Variants in FARP1 observed in about 807,000 individuals in gnomAD.
FARP1 encodes FERM, ARH/RhoGEF and pleckstrin domain protein 1.
Under a neutral mutation model 128.8 loss-of-function variants are expected in FARP1, and 52 were observed. The ratio of observed to expected loss-of-function variants is 0.40; its 90% confidence interval spans 0.32 to 0.51. The LOEUF is 0.51. Ranked by LOEUF, FARP1 falls within the 20% of genes least tolerant of loss-of-function variation. The pLI, the probability that FARP1 is intolerant of heterozygous loss-of-function variation, is 0.45. For missense variants in FARP1, 1,333 were observed against 1,367.9 expected (o/e 0.97, Z 0.40); for synonymous variants, 580 against 551.8 (o/e 1.05, Z -0.72).
chr13:98,379,106 TATATAATCTATATATAATATATATATA>T (rs1889758140), intron 6 of FARP1, among the ~76,000 whole-genome samples: 1 of 96,306 alleles, frequency 1.0e-5, no homozygotes, highest in Non-Finnish European at 1.9e-5. Flanking sequence ...ATATATATAA[TATATAATCTATATATAATATATATATA>T]ATATATAATC....
intron 3 of FARP1, among the ~76,000 whole-genome samples, chr13:98,357,729 G>A (rs191118072): frequency 1.3e-5 from 2 of 152,164 alleles, no homozygotes; most frequent in African/African-American, 4.8e-5. Flanking sequence ...GATTTTTGTT[G>A]TTTCCTTGTG....
In FARP1 at chr13:98,351,299, G is replaced by T. The variant is rs144534316; in HGVS notation, c.276+7433G>T. 5.2e-3 allele frequency among the ~76,000 whole-genome samples: 785 copies of T among 152,286 alleles called. 6 individuals carry two copies. The highest frequency in any genetic ancestry group is 0.018 in the African/African-American group (744 of 41,558). ...TTTGTGTTGCTATAAGTAAATACCT[G>T]AGGCTGGGTAATTTATAAAGAAAAG... On this transcript the variant is annotated intron_variant, in intron 3 of 26. Coordinates refer to ENST00000319562, the MANE Select transcript of FARP1 (RefSeq NM_005766.4).
At chr13:98,237,848 A>G (rs185168293) in intron 2 of FARP1, among the ~76,000 whole-genome samples, 2 of 152,348 alleles carry the variant, frequency 1.3e-5, no homozygotes, top group African/African-American at 4.8e-5. Flanking sequence ...AGAAAGAAAG[A>G]AAAATTAGTC....
chr13:98,327,740 C>T (rs149037642), intron 2 of FARP1, among the ~76,000 whole-genome samples: 1 of 152,278 alleles, frequency 6.6e-6, no homozygotes, highest in African/African-American at 2.4e-5. Flanking sequence ...CTGTTGTCAG[C>T]TGAAGGATGA....
chr13:98,429,440 C>T (rs1891928388), intron 17 of FARP1, among the ~76,000 whole-genome samples: 1 of 152,154 alleles, frequency 6.6e-6, no homozygotes, highest in African/African-American at 2.4e-5. Context: ...GGGCTCAACT[C>T]ACAGTGAAGT....
intron 1 of FARP1, among the ~76,000 whole-genome samples, chr13:98,148,316 T>G (rs1875725731): frequency 6.6e-6 from 1 of 152,118 alleles, no homozygotes; most frequent in Admixed American, 6.5e-5. Context: ...AGGCGGAGGT[T>G]GTGGTGAGCT....
At position 98,283,339 on chromosome 13, in the gene FARP1, G is replaced by A. The variant is rs117173918; in HGVS notation, c.172-60423G>A. On this transcript the variant is annotated intron_variant, in intron 2 of 26. Coordinates refer to ENST00000319562, the MANE Select transcript of FARP1 (RefSeq NM_005766.4). ...GAAAGACTAAAATTACTTGGGTTTTGTCTTCAAATTTTTTAGAACAGTAGA... is the reference window on the plus strand; with the variant it reads ...GAAAGACTAAAATTACTTGGGTTTTATCTTCAAATTTTTTAGAACAGTAGA... Among the ~76,000 whole-genome samples, 9 of 152,306 alleles carry A rather than the reference G, an allele frequency of 5.9e-5. No homozygotes were observed. The East Asian group carries it at 1.5e-3, about 26-fold the overall frequency.
chr13:98,367,311 C>T (rs759261357), intron 4 of FARP1, among the ~76,000 whole-genome samples: 5 of 152,176 alleles, frequency 3.3e-5, no homozygotes, highest in Admixed American at 6.5e-5. Flanking sequence ...CGCCCGCCAC[C>T]ACGCCTGACT....
At chr13:98,303,131 T>A (rs1201584457) in intron 2 of FARP1, among the ~76,000 whole-genome samples, 2 of 152,216 alleles carry the variant, frequency 1.3e-5, no homozygotes, top group East Asian at 3.8e-4. Context: ...TAAAGTCAGA[T>A]ACACATGATG....
chr13:98,176,101 ATCTC>A lies in FARP1; in HGVS notation c.-24+32614_-24+32617del. ...GGCATGGGATTGCAGGAAGACTGTC[ATCTC>A]TCTCATCTTACTCAACAGGCTGCTT... On this transcript the variant is annotated intron_variant, in intron 1 of 26. Transcript: ENST00000319562. The surrounding 1 kb of genome is among the most constrained non-coding windows in gnomAD (Gnocchi z 6.2). The A allele has an allele frequency of 7.2e-7, 1 of 1,397,802 alleles. No individual in the cohort carries two copies. Among genetic ancestry groups the A allele is most frequent in the Non-Finnish European group, 1.0e-6 (1 of 993,666 alleles). The allele number at this position is 1,397,802 out of a possible 1,614,324, so 86.6% of individuals were successfully genotyped here. A position where few individuals can be genotyped will look rare whatever the true frequency, so the allele number is the denominator to read the frequency against.
chr13:98,229,960 T>C (rs896193467), intron 2 of FARP1, among the ~76,000 whole-genome samples: 4 of 152,294 alleles, frequency 2.6e-5, no homozygotes, highest in Non-Finnish European at 4.4e-5. Flanking sequence ...GTTGAAGAAA[T>C]ACTCAGAAAG....
chr13:98,348,111 A>G (rs776927389), intron 3 of FARP1, among the ~76,000 whole-genome samples: 6 of 152,218 alleles, frequency 3.9e-5, no homozygotes, highest in Admixed American at 6.5e-5. Flanking sequence ...TCAAGATTGT[A>G]AATAAACTAC....
At chr13:98,217,812 C>T (rs570747987) in intron 2 of FARP1, among the ~76,000 whole-genome samples, 4 of 152,302 alleles carry the variant, frequency 2.6e-5, no homozygotes, top group Non-Finnish European at 4.4e-5. Flanking sequence ...TGTTCTTGTT[C>T]GTCATCATAT....
intron 14 of FARP1, among the ~76,000 whole-genome samples, chr13:98,409,763 C>T (rs895046505): frequency 3.3e-5 from 5 of 152,186 alleles, no homozygotes; most frequent in South Asian, 2.1e-4. Context: ...CTCCTCCTTC[C>T]CCCTCCTGCC....
chr13:98,423,150 C>T (rs181442229), intron 16 of FARP1, among the ~76,000 whole-genome samples: 31 of 152,300 alleles, frequency 2.0e-4, no homozygotes, highest in African/African-American at 7.5e-4. Context: ...GCCACGCTGG[C>T]AGCCGATTAG....
At chr13:98,211,285 G>A (rs984652226) in intron 1 of FARP1, among the ~76,000 whole-genome samples, 3 of 152,204 alleles carry the variant, frequency 2.0e-5, no homozygotes, top group African/African-American at 7.2e-5. Context: ...CCTGAGCTCC[G>A]CCTCCTGTCA....
chr13:98,240,947 G>T (rs1020249796), intron 2 of FARP1, among the ~76,000 whole-genome samples: 2 of 152,202 alleles, frequency 1.3e-5, no homozygotes, highest in African/African-American at 4.8e-5. Context: ...ATCTGAAGCT[G>T]CTGTTTGAGA....
intron 2 of FARP1, among the ~76,000 whole-genome samples, chr13:98,291,978 G>A (rs1474705441): frequency 6.6e-6 from 1 of 152,206 alleles, no homozygotes; most frequent in African/African-American, 2.4e-5. Context: ...TTCTTCACAA[G>A]AACCTCTTTG....
chr13:98,266,942 A>C (rs1251347151), intron 2 of FARP1, among the ~76,000 whole-genome samples: 1 of 131,348 alleles, frequency 7.6e-6, no homozygotes, highest in Non-Finnish European at 1.6e-5. Flanking sequence ...TGAACCTGGG[A>C]GGTGGAGGTT....
Sources: allele counts gnomAD v4.1 joint callset (sites outside exome capture counted in the v4.1 genomes callset), GRCh38; gene constraint gnomAD v4.1.1; non-coding constraint Gnocchi (gnomAD v3.1); transcripts MANE v1.5; gene names NCBI Gene and HGNC (gene_info 2026-07-23, HGNC 2026-07-21).